Variants in MLF1 observed in about 807,000 individuals in gnomAD.
MLF1 encodes myeloid leukemia factor 1.
Under a neutral mutation model 38.3 loss-of-function variants are expected in MLF1, and 37 were observed. That is an observed-to-expected ratio of 0.96 (90% CI 0.74 to 1.27). The LOEUF (loss-of-function observed/expected upper bound fraction) is 1.27, where lower values mean the gene tolerates loss of function less well. Ranked by LOEUF, MLF1 falls within the 50% of genes most tolerant of loss-of-function variation. The pLI is 0.00. For synonymous variants in MLF1, 95 were observed against 106.5 expected (o/e 0.89, Z 0.66); for missense variants, 331 against 349.2 (o/e 0.95, Z 0.42).
At chr3:158,576,218 C>G (rs1211436483) in intron 1 of MLF1, among the ~76,000 whole-genome samples, 1 of 152,114 alleles carries the variant, frequency 6.6e-6, no homozygotes, top group Non-Finnish European at 1.5e-5. Context: ...CATTATGTCT[C>G]AGGGCTGAAG....
intron 1 of MLF1, among the ~76,000 whole-genome samples, chr3:158,579,516 ATTT>A (rs1716006050): frequency 6.6e-6 from 1 of 152,160 alleles, no homozygotes; most frequent in African/African-American, 2.4e-5. Flanking sequence ...GAAAGATAAA[ATTT>A]TTAGCATTTG....
intron 1 of MLF1, among the ~76,000 whole-genome samples, chr3:158,586,020 A>G (rs976179237): frequency 3.9e-5 from 6 of 152,012 alleles, no homozygotes; most frequent in African/African-American, 7.2e-5. Flanking sequence ...AAAAATTTGT[A>G]TGGCATAGTG....
intron 1 of MLF1, among the ~76,000 whole-genome samples, chr3:158,590,152 C>A (rs1260088826): frequency 6.6e-6 from 1 of 152,148 alleles, no homozygotes; most frequent in Non-Finnish European, 1.5e-5. Context: ...TGATAAAAGT[C>A]TGTGTCCAGA....
At chr3:158,597,902 C>T (rs578109954) in intron 4 of MLF1, among the ~76,000 whole-genome samples, 178 bp from the exon 5 acceptor site, 21 of 152,088 alleles carry the variant, frequency 1.4e-4, no homozygotes, top group African/African-American at 3.4e-4. Flanking sequence ...TTTTTTTGGG[C>T]GGAGGTAATT....
intron 1 of MLF1, among the ~76,000 whole-genome samples, chr3:158,579,263 A>G (rs1343949729): frequency 2.6e-5 from 4 of 150,960 alleles, no homozygotes; most frequent in Admixed American, 2.0e-4. Flanking sequence ...AAAAATATTA[A>G]AACAACTGTG....
At chr3:158,597,836 G>A (rs998382319) in intron 4 of MLF1, among the ~76,000 whole-genome samples, 1 of 152,190 alleles carries the variant, frequency 6.6e-6, no homozygotes, top group Middle Eastern at 3.4e-3. Flanking sequence ...TCTTTGTAAC[G>A]AGAGTGGGAT....
chr3:158,580,045 G>T (rs1716088988), intron 1 of MLF1, among the ~76,000 whole-genome samples: 2 of 152,130 alleles, frequency 1.3e-5, no homozygotes, highest in African/African-American at 2.4e-5. Context: ...GAATAATCTG[G>T]TTTTTGAGGT....
rs1341491963 is a variant in MLF1 at position 158,593,541 on chromosome 3, A to G, written c.240+115A>G. 8.1e-6 allele frequency: 6 copies of G among 742,180 alleles called. No individual in the cohort carries two copies. The South Asian group carries it at 1.1e-4, about 14-fold the overall frequency. 46.0% of individuals were successfully genotyped at this position (742,180 alleles called of 1,614,324 possible). On this transcript the variant is annotated intron_variant, in intron 3 of 7. Transcript: ENST00000466246. ...GCCTCACTTCCATAATGGCTTTTTA[A>G]TGTTTGTACTGAAAACCTCTGTTTC...
rs543910851 is a variant in MLF1 at position 158,596,843 on chromosome 3, A to G, written c.241-19A>G. ...TGTTGTTACCTACAGTTAATAACAT[A>G]CTTCCTGATATTCTGTAGCATACAG... is the stretch of plus-strand genomic sequence containing the variant. On this transcript the variant is annotated intron_variant, in intron 3 of 7. Transcript: ENST00000466246. 5.0e-5 allele frequency: 77 copies of G among 1,553,998 alleles called. No individual in the cohort carries two copies. The East Asian group carries it at 1.6e-3, about 32-fold the overall frequency.
intron 1 of MLF1, among the ~76,000 whole-genome samples, chr3:158,580,738 A>C (rs540002545): frequency 6.6e-6 from 1 of 151,558 alleles, no homozygotes; most frequent in African/African-American, 2.4e-5. Flanking sequence ...GGCAGAGCCC[A>C]GGAGCTCGAG....
At chr3:158,599,224 G>T (rs571872788) in intron 5 of MLF1, among the ~76,000 whole-genome samples, 1 of 152,156 alleles carries the variant, frequency 6.6e-6, no homozygotes, top group Non-Finnish European at 1.5e-5. Flanking sequence ...CTTATACAGA[G>T]TCTAGGAGTG....
chr3:158,600,074 G>A lies in MLF1; in HGVS notation c.514G>A (p.Gly172Ser). The A allele has an allele frequency of 6.8e-7, 1 of 1,466,060 alleles. No homozygotes were observed. The highest frequency in any genetic ancestry group is 1.8e-4 in the Middle Eastern group (1 of 5,530). 90.8% of individuals were successfully genotyped at this position (1,466,060 alleles called of 1,614,324 possible). Residue 172 changes from glycine to serine, a missense_variant, in exon 6 of 8, where the codon GGT becomes AGT. By Grantham distance (56) the Gly-to-Ser change is moderately conservative (BLOSUM62 0). Transcript: ENST00000466246. ...SDSGLEKMAI[G>S]HHIHDRAHVI... ...CAGTGGACTAGAAAAAATGGCTATT[G>A]GTCATCATATCCATGACCGAGCTCA... is the stretch of plus-strand genomic sequence containing the variant.
At chr3:158,580,639 A>G (rs926633311) in intron 1 of MLF1, among the ~76,000 whole-genome samples, 10 of 151,966 alleles carry the variant, frequency 6.6e-5, no homozygotes, top group Admixed American at 4.6e-4. Flanking sequence ...CAAGACAAAA[A>G]CTCATACTAA....
At chr3:158,588,532 C>T (rs1023766089) in intron 1 of MLF1, among the ~76,000 whole-genome samples, 8 of 143,180 alleles carry the variant, frequency 5.6e-5, no homozygotes, top group African/African-American at 1.5e-4. Flanking sequence ...ACCCAGGAGG[C>T]GGAGCTTGCA....
chr3:158,594,636 TCTA>T (rs1450075769), intron 3 of MLF1, among the ~76,000 whole-genome samples: 3 of 152,296 alleles, frequency 2.0e-5, no homozygotes, highest in African/African-American at 7.2e-5. Context: ...ATGGCTTACT[TCTA>T]CTAGGTAATG....
chr3:158,592,707 T>C (rs928281758), intron 2 of MLF1, 126 bp downstream of exon 2: 3 of 769,164 alleles, frequency 3.9e-6, no homozygotes, highest in Non-Finnish European at 5.8e-6. Context: ...ATCACTATTA[T>C]ATAAAAGGGG....
rs547928071 is a variant in MLF1 at position 158,573,117 on chromosome 3, A to G, written c.47+1770A>G. Among the ~76,000 whole-genome samples, 87 of 151,392 alleles carry G rather than the reference A, an allele frequency of 5.7e-4. 1 individual carries two copies. Among genetic ancestry groups the G allele is most frequent in the African/African-American group, 2.1e-3 (86 of 41,000 alleles). On this transcript the variant is annotated intron_variant, in intron 1 of 7. Coordinates refer to ENST00000466246, the MANE Select transcript of MLF1 (RefSeq NM_001369783.1). Reference sequence around the variant, plus strand: ...TCCTCTTTAAATTCCAAATAGGAACAGGTAATATTTTATAGCATGACAGTT... The same window carrying G: ...TCCTCTTTAAATTCCAAATAGGAACGGGTAATATTTTATAGCATGACAGTT...
At chr3:158,602,206 T>TTA (rs981740227) in intron 6 of MLF1, among the ~76,000 whole-genome samples, 1 of 152,124 alleles carries the variant, frequency 6.6e-6, no homozygotes, top group African/African-American at 2.4e-5. Flanking sequence ...TTTATCACAT[T>TTA]TATATATATA....
Position 158,582,440 on chromosome 3 carries a change from T to C in MLF1, c.48-9994T>C, listed in dbSNP as rs1716544539. 2.0e-5 allele frequency among the ~76,000 whole-genome samples: 3 copies of C among 151,928 alleles called. No individual in the cohort carries two copies. In the South Asian group the frequency reaches 6.2e-4, roughly 31 times the overall value. On this transcript the variant is annotated intron_variant, in intron 1 of 7. Transcript: ENST00000466246. The stretch of plus-strand genomic sequence containing the variant: ...AAGCAATATTTGAAGAAATGAAGAC[T>C]AAGAATTACCCCAAATTAATGTCAT...
Sources: allele counts gnomAD v4.1 joint callset (sites outside exome capture counted in the v4.1 genomes callset), GRCh38; gene constraint gnomAD v4.1.1; transcripts MANE v1.5; gene names NCBI Gene and HGNC (gene_info 2026-07-23, HGNC 2026-07-21).